The following CCDC57 variants were observed in gnomAD, a reference collection of about 807,000 sequenced individuals.
CCDC57 encodes coiled-coil domain containing 57.
A neutral mutation model predicts 118.9 loss-of-function variants in CCDC57; 118 were observed. That is an observed-to-expected ratio of 0.99 (90% confidence interval 0.86 to 1.16). CCDC57 has a LOEUF of 1.16. CCDC57 is among the 50% of genes most tolerant of loss of function. CCDC57 has a pLI of 0.00. For synonymous variants in CCDC57, 527 were observed against 532.9 expected (o/e 0.99, Z 0.15); for missense variants, 1,300 against 1,320.7 (o/e 0.98, Z 0.24).
At chr17:82,111,591 G>A (rs899528199) in intron 19 of CCDC57, among the ~76,000 whole-genome samples, 1 of 151,658 alleles carries the variant, frequency 6.6e-6, no homozygotes, top group African/African-American at 2.4e-5. Flanking sequence ...ATAAAGTTAG[G>A]TTATATGTTT....
chr17:82,157,328 C>T (rs998423456), intron 15 of CCDC57: 73 of 518,460 alleles, frequency 1.4e-4, no homozygotes, highest in Non-Finnish European at 1.9e-4. Flanking sequence ...ATGTGGGCCC[C>T]TCCCCACGCA....
intron 7 of CCDC57, among the ~76,000 whole-genome samples, chr17:82,190,683 G>A (rs1033155304): frequency 1.5e-5 from 2 of 135,526 alleles, no homozygotes; most frequent in Non-Finnish European, 3.1e-5. Flanking sequence ...GCAACAGAGC[G>A]AGACTCTGTC....
intron 2 of CCDC57, among the ~76,000 whole-genome samples, chr17:82,206,106 C>T (rs2049599901): frequency 6.6e-6 from 1 of 152,210 alleles, no homozygotes; most frequent in African/African-American, 2.4e-5. Context: ...CAGGAGAAGC[C>T]GCCGGGGAGG....
Position 82,126,829 on chromosome 17 carries a change from C to T in CCDC57, c.2899+863G>A, listed in dbSNP as rs929512056. 6.1e-6 allele frequency: 6 copies of T among 985,234 alleles called. No individual in the cohort carries two copies. In the Admixed American group the frequency reaches 2.5e-4, roughly 40 times the overall value. The allele number at this position is 985,234 out of a possible 1,614,324, so 61.0% of individuals were successfully genotyped here. On this transcript the variant is annotated intron_variant, in intron 19 of 19. Coordinates refer to ENST00000665763, the Ensembl canonical transcript of CCDC57. ...AAAGGACTGGAAATAGCCTAAAATGCGCATGAAGGAGAGAATGATTAAATG... is the reference window on the plus strand; with the variant it reads ...AAAGGACTGGAAATAGCCTAAAATGTGCATGAAGGAGAGAATGATTAAATG...
At chr17:82,136,531 C>T (rs977825082) in intron 16 of CCDC57, among the ~76,000 whole-genome samples, 4 of 146,524 alleles carry the variant, frequency 2.7e-5, no homozygotes, top group Non-Finnish European at 5.9e-5. Flanking sequence ...GAACTGTATA[C>T]TTTGTATACT....
intron 16 of CCDC57, among the ~76,000 whole-genome samples, chr17:82,146,045 TC>T (rs944216792): frequency 2.3e-4 from 35 of 152,282 alleles, no homozygotes; most frequent in Non-Finnish European, 4.4e-4. Flanking sequence ...TGCGGCCCCT[TC>T]CCAGAGGCGG....
chr17:82,161,990 T>C (rs1029709137), intron 14 of CCDC57, among the ~76,000 whole-genome samples: 2 of 137,818 alleles, frequency 1.5e-5, no homozygotes, highest in African/African-American at 5.2e-5. Context: ...TAATGAATTT[T>C]ACCACAATTA....
chr17:82,124,100 C>T (rs1598715710), intron 19 of CCDC57, among the ~76,000 whole-genome samples: 1 of 152,000 alleles, frequency 6.6e-6, no homozygotes, highest in African/African-American at 2.4e-5. Context: ...TGCAGGAACT[C>T]GGCAAGGGCT....
chr17:82,146,259 T>C (rs552996238), intron 16 of CCDC57, among the ~76,000 whole-genome samples: 149 of 152,360 alleles, frequency 9.8e-4, no homozygotes, highest in Middle Eastern at 3.4e-3. Context: ...TCTGTACTAC[T>C]TAATGATTGC....
intron 19 of CCDC57, among the ~76,000 whole-genome samples, chr17:82,115,722 C>A (rs921667508): frequency 6.6e-6 from 1 of 151,190 alleles, no homozygotes; most frequent in African/African-American, 2.4e-5. Context: ...GAGCTGAGAT[C>A]GCACCACTGC....
intron 2 of CCDC57, among the ~76,000 whole-genome samples, chr17:82,207,087 T>C (rs951009747): frequency 6.6e-6 from 1 of 152,160 alleles, no homozygotes; most frequent in Non-Finnish European, 1.5e-5. Context: ...CTGGCCCCGG[T>C]TGTCCCAGCA....
At chr17:82,195,811 G>A (rs773260743) in intron 4 of CCDC57, among the ~76,000 whole-genome samples, 19 of 152,228 alleles carry the variant, frequency 1.2e-4, no homozygotes, top group Middle Eastern at 6.8e-3. Flanking sequence ...AGAGCTTCCC[G>A]ACAGCCAGTG....
intron 3 of CCDC57, among the ~76,000 whole-genome samples, chr17:82,200,730 T>A (rs1235476480): frequency 6.0e-5 from 9 of 151,246 alleles, no homozygotes; most frequent in African/African-American, 1.9e-4. Context: ...GAGATGGAGG[T>A]TGCAGCGAGC....
chr17:82,195,096 G>A (rs904838625), intron 5 of CCDC57, among the ~76,000 whole-genome samples, 167 bp downstream of exon 4: 4 of 152,252 alleles, frequency 2.6e-5, no homozygotes, highest in African/African-American at 9.6e-5. Context: ...CCTGCCATGG[G>A]GCACAGGGCA....
In CCDC57 at chr17:82,159,624, A is replaced by G. The variant is rs371955850; in HGVS notation, c.2041-1676T>C. 1.2e-3 allele frequency among the ~76,000 whole-genome samples: 182 copies of G among 152,272 alleles called. 2 individuals are homozygous for G. The Middle Eastern group carries it at 0.02, about 17-fold the overall frequency. Reference sequence around the variant, plus strand: ...GCCCTTCCAGTGTGGGCATGTTTCAAAACATCATGTCGCATACCATAGAGA... The same window carrying G: ...GCCCTTCCAGTGTGGGCATGTTTCAGAACATCATGTCGCATACCATAGAGA... On this transcript the variant is annotated intron_variant, in intron 14 of 19. Coordinates refer to ENST00000665763, the Ensembl canonical transcript of CCDC57.
chr17:82,177,011 C>T (rs914784780), intron 11 of CCDC57, among the ~76,000 whole-genome samples: 10 of 151,342 alleles, frequency 6.6e-5, no homozygotes, highest in Non-Finnish European at 1.0e-4. Flanking sequence ...TTTGGGAGGC[C>T]GAGGTGGGCA....
chr17:82,131,636 C>A (rs1009141401), intron 17 of CCDC57, among the ~76,000 whole-genome samples: 10 of 152,016 alleles, frequency 6.6e-5, no homozygotes, highest in Non-Finnish European at 1.5e-4. Flanking sequence ...CCTGTAGTCC[C>A]AGCTACTTGG....
chr17:82,211,463 C>CT (rs936509723), intron 1 of CCDC57, among the ~76,000 whole-genome samples: 3 of 152,108 alleles, frequency 2.0e-5, no homozygotes, highest in Non-Finnish European at 4.4e-5. Flanking sequence ...CTGTGGTTCT[C>CT]TAAGAGGTCA....
At chr17:82,124,858 A>G (rs2037205062) in intron 19 of CCDC57, among the ~76,000 whole-genome samples, 2 of 152,190 alleles carry the variant, frequency 1.3e-5, no homozygotes, top group South Asian at 4.1e-4. Context: ...CTCCAAGAGA[A>G]AAGGAGAAAG....
Sources: allele counts gnomAD v4.1 joint callset (sites outside exome capture counted in the v4.1 genomes callset), GRCh38; gene constraint gnomAD v4.1.1; transcripts MANE v1.5; gene names NCBI Gene and HGNC (gene_info 2026-07-23, HGNC 2026-07-21).